SLC24A3: variants seen among roughly 807,000 people sequenced by gnomAD.
SLC24A3 encodes the protein solute carrier family 24 member 3.
In SLC24A3, 28 loss-of-function variants were observed where a neutral mutation model predicts 75.8. The observed-to-expected ratio is 0.37, with a 90% CI of 0.27 to 0.51. The LOEUF (loss-of-function observed/expected upper bound fraction) is 0.51, where lower values mean the gene tolerates loss of function less well. Among genes scored for constraint, SLC24A3 ranks in the 20% least tolerant of loss-of-function variants. The pLI is 0.94. For synonymous variants in SLC24A3, 372 were observed against 334.1 expected (o/e 1.11, Z -1.24); for missense variants, 663 against 847.8 (o/e 0.78, Z 2.71).
chr20:19,214,996 A>G (rs892628693), intron 1 of SLC24A3, among the ~76,000 whole-genome samples: 13 of 152,130 alleles, frequency 8.5e-5, no homozygotes, highest in African/African-American at 3.1e-4. Flanking sequence ...TTGCCCCCGA[A>G]TGACATATGA....
intron 7 of SLC24A3, among the ~76,000 whole-genome samples, chr20:19,658,441 G>A (rs2032289768): frequency 6.6e-6 from 1 of 152,198 alleles, no homozygotes; most frequent in Non-Finnish European, 1.5e-5. Flanking sequence ...GAGACGTGGG[G>A]CGATCCACTT....
chr20:19,431,323 A>G (rs1337664803), intron 2 of SLC24A3, among the ~76,000 whole-genome samples: 2 of 152,022 alleles, frequency 1.3e-5, no homozygotes, highest in African/African-American at 4.8e-5. Context: ...GGGGCAGTGG[A>G]CCCCTGCACC....
At chr20:19,387,086 TC>T (rs1157719511) in intron 2 of SLC24A3, among the ~76,000 whole-genome samples, 28 of 152,326 alleles carry the variant, frequency 1.8e-4, no homozygotes, top group Admixed American at 1.8e-3. Context: ...ATTGTATGTT[TC>T]TAGGAATTTA....
intron 2 of SLC24A3, among the ~76,000 whole-genome samples, chr20:19,337,115 T>G (rs1187540129): frequency 6.6e-6 from 1 of 152,168 alleles, no homozygotes; most frequent in Non-Finnish European, 1.5e-5. Context: ...ACAAAGGGAC[T>G]AAAAGTGCTT....
chr20:19,602,983 T>C (rs1211934988), intron 6 of SLC24A3, among the ~76,000 whole-genome samples: 1 of 152,226 alleles, frequency 6.6e-6, no homozygotes, highest in African/African-American at 2.4e-5. Flanking sequence ...GAGCCTGGCA[T>C]GTTCACGGTG....
intron 6 of SLC24A3, among the ~76,000 whole-genome samples, chr20:19,593,500 G>A (rs2031408410): frequency 6.6e-6 from 1 of 152,210 alleles, no homozygotes; most frequent in African/African-American, 2.4e-5. Flanking sequence ...CTGTCTCGCA[G>A]CGTTACATAT....
rs188532382 is a variant in SLC24A3, at chr20:19,330,592, T to A, written c.271+49505T>A. 1.2e-4 allele frequency among the ~76,000 whole-genome samples: 19 copies of A among 152,290 alleles called. No individual in the cohort carries two copies. In the East Asian group the frequency reaches 2.5e-3, roughly 20 times the overall value. On this transcript the variant is annotated intron_variant, in intron 2 of 16. Coordinates refer to ENST00000328041, the MANE Select transcript of SLC24A3 (RefSeq NM_020689.4). ...AGATAAAGCAGTGGAGAAGCAAATGTGGAAGGAGGAGGGCTCTTGCTTTCA... is the reference window on the plus strand; with the variant it reads ...AGATAAAGCAGTGGAGAAGCAAATGAGGAAGGAGGAGGGCTCTTGCTTTCA...
intron 13 of SLC24A3, 169 bp downstream of exon 13, chr20:19,693,594 C>A: frequency 1.3e-6 from 1 of 768,940 alleles, no homozygotes; most frequent in African/African-American, 1.7e-5. Context: ...CATCGATTCT[C>A]CTGCTCACAC....
chr20:19,247,691 C>G (rs1407968723), intron 1 of SLC24A3, among the ~76,000 whole-genome samples: 2 of 152,120 alleles, frequency 1.3e-5, no homozygotes, highest in East Asian at 3.9e-4. Context: ...TGACTATTTC[C>G]TTATTAATTG....
intron 1 of SLC24A3, among the ~76,000 whole-genome samples, chr20:19,228,928 A>G (rs1421740291): frequency 6.6e-6 from 1 of 152,174 alleles, no homozygotes; most frequent in East Asian, 1.9e-4. Context: ...AAATGAATTG[A>G]TAATTTCTAT....
chr20:19,222,968 G>A (rs1329488184), intron 1 of SLC24A3, among the ~76,000 whole-genome samples: 1 of 151,862 alleles, frequency 6.6e-6, no homozygotes, highest in Non-Finnish European at 1.5e-5. Context: ...AAATTTTTTA[G>A]AGAATTTCAG....
intron 1 of SLC24A3, among the ~76,000 whole-genome samples, chr20:19,238,768 G>A (rs1231259880): frequency 6.6e-6 from 1 of 152,054 alleles, no homozygotes; most frequent in East Asian, 1.9e-4. Flanking sequence ...CATGCAAAGG[G>A]GATGGCCAGA....
chr20:19,320,218 G>A (rs950716322), intron 2 of SLC24A3, among the ~76,000 whole-genome samples: 3 of 152,166 alleles, frequency 2.0e-5, no homozygotes, highest in Non-Finnish European at 4.4e-5. Context: ...TCCAGGCTTT[G>A]TCATTTGGAG....
intron 3 of SLC24A3, among the ~76,000 whole-genome samples, chr20:19,572,032 A>G (rs1186698341): frequency 1.3e-5 from 2 of 152,206 alleles, no homozygotes; most frequent in East Asian, 3.8e-4. Context: ...AGTCAAAGCT[A>G]CTAATAAAAG....
chr20:19,502,236 G>T (rs1988394963), intron 2 of SLC24A3, among the ~76,000 whole-genome samples: 1 of 152,060 alleles, frequency 6.6e-6, no homozygotes, highest in African/African-American at 2.4e-5. Context: ...GCTGAAAATT[G>T]GGGGAAATCT....
intron 2 of SLC24A3, among the ~76,000 whole-genome samples, chr20:19,332,824 G>A (rs1314046756): frequency 1.3e-5 from 2 of 152,154 alleles, no homozygotes; most frequent in African/African-American, 4.8e-5. Flanking sequence ...CTTGCCTGTT[G>A]GTGGGTTCTC....
intron 2 of SLC24A3, among the ~76,000 whole-genome samples, chr20:19,429,734 A>G (rs764742163): frequency 3.2e-4 from 48 of 152,202 alleles, no homozygotes; most frequent in Non-Finnish European, 5.3e-4. Context: ...CGAGAGGGCC[A>G]TAAATCTGTG....
intron 2 of SLC24A3, among the ~76,000 whole-genome samples, chr20:19,427,807 C>T (rs1270237146): frequency 6.6e-6 from 1 of 152,226 alleles, no homozygotes; most frequent in African/African-American, 2.4e-5. Flanking sequence ...TAGAGGTTGT[C>T]TGGAAAGGGG....
intron 15 of SLC24A3, among the ~76,000 whole-genome samples, chr20:19,704,726 A>G (rs1246059460): frequency 3.3e-5 from 5 of 152,260 alleles, no homozygotes; most frequent in African/African-American, 1.2e-4. Flanking sequence ...TGTGGCGAGC[A>G]GGGGAGCATT....
Sources: allele counts gnomAD v4.1 joint callset (sites outside exome capture counted in the v4.1 genomes callset), GRCh38; gene constraint gnomAD v4.1.1; transcripts MANE v1.5; gene names NCBI Gene and HGNC (gene_info 2026-07-23, HGNC 2026-07-21).